The following EPS15 variants were observed in gnomAD, a reference collection of about 807,000 sequenced individuals.
EPS15 encodes the protein epidermal growth factor receptor substrate 15.
EPS15 carries 72 observed loss-of-function variants against 113.8 expected under a neutral mutation model. The observed-to-expected ratio is 0.63, with a 90% CI of 0.52 to 0.77. The LOEUF (loss-of-function observed/expected upper bound fraction) is 0.77. EPS15 is among the 30% of genes least tolerant of loss of function. EPS15 has a pLI of 0.00. For missense variants in EPS15, 1,048 were observed against 1,045.8 expected (o/e 1.00, Z -0.03); for synonymous variants, 344 against 363.4 (o/e 0.95, Z 0.61).
rs1646215216 is a variant in EPS15 at position 51,356,213 on chromosome 1, A to G, written c.*487T>C. ...TTAAGTAGAGGAAATTTAAAAATGC[A>G]CTTTAGCCAATTTGCACCAATCATA... On this transcript the variant is annotated 3_prime_UTR_variant, in exon 25 of 25. Coordinates refer to ENST00000371733, the MANE Select transcript of EPS15 (RefSeq NM_001981.3). 4.6e-6 allele frequency: 1 copy of G among 215,364 alleles called. No individual in the cohort carries two copies. The highest frequency in any genetic ancestry group is 9.4e-6 in the Non-Finnish European group (1 of 106,882). The allele number at this position is 215,364 out of a possible 1,614,324, so 13.3% of individuals were successfully genotyped here. A position where few individuals can be genotyped will look rare whatever the true frequency, so the allele number is the denominator to read the frequency against.
At position 51,425,426 on chromosome 1, in the gene EPS15, ATCATCT is replaced by A. The variant is rs58488321; in HGVS notation, c.1041-3574_1041-3569del. 7.1e-3 allele frequency among the ~76,000 whole-genome samples: 1,077 copies of A among 152,312 alleles called. 7 individuals are homozygous for A. Among genetic ancestry groups the A allele is most frequent in the African/African-American group, 0.025 (1,034 of 41,556 alleles). On this transcript the variant is annotated intron_variant, in intron 12 of 24. Transcript: ENST00000371733. ...CCAATATTATCAAAGACAAGATAAAATCATCTTCAAAGTCCTTCCCAGAAACACAGT... is the reference window on the plus strand; with the variant it reads ...CCAATATTATCAAAGACAAGATAAAATCAAAGTCCTTCCCAGAAACACAGT...
At chr1:51,389,233 A>T (rs975233802) in intron 21 of EPS15, among the ~76,000 whole-genome samples, 11 of 152,236 alleles carry the variant, frequency 7.2e-5, no homozygotes, top group Non-Finnish European at 1.3e-4. Context: ...GATTATCTCA[A>T]TAGATGCAGA....
At chr1:51,415,796 C>CAAAAAAAAAAAAAAAAAAAA in intron 13 of EPS15, among the ~76,000 whole-genome samples, 1 of 21,968 alleles carries the variant, frequency 4.6e-5, no homozygotes, top group Non-Finnish European at 7.9e-5. Flanking sequence ...AACTCCGTCT[C>CAAAAAAAAAAAAAAAAAAAA]AAAAAAAAAA....
chr1:51,396,128 AT>A (rs1379262104), intron 20 of EPS15, among the ~76,000 whole-genome samples: 3 of 152,168 alleles, frequency 2.0e-5, no homozygotes, highest in African/African-American at 7.2e-5. Flanking sequence ...ACTGAGGCCA[AT>A]TATACTATTA....
chr1:51,492,763 A>G (rs1356769204), intron 1 of EPS15, among the ~76,000 whole-genome samples: 1 of 152,212 alleles, frequency 6.6e-6, no homozygotes, highest in Non-Finnish European at 1.5e-5. Flanking sequence ...TTAAGCATGA[A>G]TGACTAATAT....
chr1:51,477,935 T>C (rs1249169707), intron 2 of EPS15, among the ~76,000 whole-genome samples: 1 of 152,168 alleles, frequency 6.6e-6, no homozygotes, highest in Non-Finnish European at 1.5e-5. Context: ...ATTCTGTTGA[T>C]TTGGGGTGGA....
intron 21 of EPS15, among the ~76,000 whole-genome samples, chr1:51,387,038 T>C (rs542294105): frequency 2.0e-5 from 3 of 151,850 alleles, no homozygotes; most frequent in South Asian, 4.2e-4. Context: ...AAAGTTGAAA[T>C]GAAGGAAAAA....
chr1:51,480,091 G>A (rs190798234), intron 2 of EPS15, among the ~76,000 whole-genome samples: 29 of 152,258 alleles, frequency 1.9e-4, no homozygotes, highest in Non-Finnish European at 3.8e-4. Context: ...TATTTTTCAG[G>A]CAGAAATTAT....
At chr1:51,507,976 G>T (rs1002015012) in intron 1 of EPS15, among the ~76,000 whole-genome samples, 1 of 151,858 alleles carries the variant, frequency 6.6e-6, no homozygotes, top group Non-Finnish European at 1.5e-5. Flanking sequence ...AGAAGATCGA[G>T]ACCATCCTGG....
chr1:51,463,624 T>C (rs1654632964), intron 7 of EPS15, 49 bp downstream of exon 7: 2 of 1,133,480 alleles, frequency 1.8e-6, no homozygotes, highest in Non-Finnish European at 2.6e-6. Context: ...ATAATAGATA[T>C]AAAATTAAAA....
chr1:51,356,610 T>A lies in EPS15; in HGVS notation c.*90A>T. The A allele has an allele frequency of 7.2e-6, 8 of 1,118,692 alleles. No homozygotes were observed. Among genetic ancestry groups the A allele is most frequent in the Non-Finnish European group, 8.7e-6 (7 of 804,892 alleles). 69.3% of individuals were successfully genotyped at this position (1,118,692 alleles called of 1,614,324 possible). On this transcript the variant is annotated 3_prime_UTR_variant, in exon 25 of 25. Coordinates refer to ENST00000371733, the MANE Select transcript of EPS15 (RefSeq NM_001981.3). Reference sequence around the variant, plus strand: ...GAATCTCAAACCTTTTGTATTCCCATGCTCACAGGTAGTTTTGATACACAT... The same window carrying A: ...GAATCTCAAACCTTTTGTATTCCCAAGCTCACAGGTAGTTTTGATACACAT...
At chr1:51,399,784 C>T (rs1168282033) in intron 19 of EPS15, among the ~76,000 whole-genome samples, 3 of 151,944 alleles carry the variant, frequency 2.0e-5, no homozygotes, top group Non-Finnish European at 4.4e-5. Context: ...ATAGCTTGAG[C>T]ATGGGAGGCG....
chr1:51,388,749 C>T (rs1647167835), intron 21 of EPS15, among the ~76,000 whole-genome samples: 1 of 152,016 alleles, frequency 6.6e-6, no homozygotes. Flanking sequence ...ACACATACAC[C>T]CTCCCAAGAC....
chr1:51,392,563 T>C (rs1647489463), intron 21 of EPS15, among the ~76,000 whole-genome samples: 2 of 152,216 alleles, frequency 1.3e-5, no homozygotes, highest in African/African-American at 4.8e-5. Flanking sequence ...ACTATTCCTC[T>C]ATCTTGCAAA....
intron 1 of EPS15, 67 bp downstream of exon 1, chr1:51,519,131 CG>C: frequency 8.7e-7 from 1 of 1,151,292 alleles, no homozygotes; most frequent in Non-Finnish European, 1.2e-6. Flanking sequence ...AAGAAGTCGG[CG>C]AAGCTGAGGG....
chr1:51,447,572 C>G (rs1428784472), intron 9 of EPS15, among the ~76,000 whole-genome samples: 6 of 151,762 alleles, frequency 4.0e-5, no homozygotes, highest in Non-Finnish European at 7.4e-5. Flanking sequence ...AAAAAAAAAG[C>G]CTTGGACAAC....
chr1:51,467,945 G>A (rs1336468483), intron 5 of EPS15, among the ~76,000 whole-genome samples: 1 of 151,852 alleles, frequency 6.6e-6, no homozygotes, highest in Admixed American at 6.6e-5. Context: ...AGTAAAATAA[G>A]AAAATAAGTA....
intron 21 of EPS15, among the ~76,000 whole-genome samples, chr1:51,368,570 C>A (rs1379875601): frequency 6.6e-6 from 1 of 151,324 alleles, no homozygotes; most frequent in Non-Finnish European, 1.5e-5. Context: ...TCTTTCTGTC[C>A]TTTTCCTGTT....
At chr1:51,479,395 C>T (rs1277568954) in intron 2 of EPS15, among the ~76,000 whole-genome samples, 1 of 152,172 alleles carries the variant, frequency 6.6e-6, no homozygotes, top group Non-Finnish European at 1.5e-5. Flanking sequence ...GCAATGGGTT[C>T]GAACATCCTC....
Sources: gnomAD v4.1 joint callset for allele counts (sites outside exome capture counted in the v4.1 genomes callset) on GRCh38, gnomAD v4.1.1 for gene constraint, MANE v1.5 for transcripts, NCBI Gene and HGNC (gene_info 2026-07-23, HGNC 2026-07-21) for gene names.